AGTR1: variants seen among roughly 807,000 people sequenced by gnomAD.
AGTR1 encodes angiotensin II receptor type 1, also known as type-1 angiotensin II receptor.
A neutral mutation model predicts 19.4 loss-of-function variants in AGTR1; 16 were observed. That is an observed-to-expected ratio of 0.82 (90% CI 0.56 to 1.25). AGTR1 has a LOEUF of 1.25. Ranked by LOEUF, AGTR1 falls within the 50% of genes most tolerant of loss-of-function variation. The pLI, the probability that AGTR1 is intolerant of heterozygous loss-of-function variation, is 0.00. For synonymous variants in AGTR1, 153 were observed against 154.9 expected (o/e 0.99, Z 0.09); for missense variants, 373 against 431.9 (o/e 0.86, Z 1.21).
chr3:148,706,750 G>C (rs1321331188), intron 1 of AGTR1, among the ~76,000 whole-genome samples: 2 of 151,840 alleles, frequency 1.3e-5, no homozygotes, highest in African/African-American at 4.8e-5. Context: ...ATGAAAAGAA[G>C]TTCAACCTCA....
intron 2 of AGTR1, among the ~76,000 whole-genome samples, chr3:148,721,267 T>G (rs1407632163): frequency 1.3e-5 from 2 of 152,192 alleles, no homozygotes; most frequent in African/African-American, 4.8e-5. Flanking sequence ...TGCCTAATCA[T>G]GTAGACTATA....
rs369153815 is a variant in AGTR1 at position 148,735,820 on chromosome 3, T to C, written c.-47-5169T>C. ...ACAGTTCCTTTCTAAGTCTGACTTA[T>C]AAAATAGGAACAATAAAGACAACAG... On this transcript the variant is annotated intron_variant, in intron 2 of 2. Transcript: ENST00000349243. Among the ~76,000 whole-genome samples the C allele has an allele frequency of 5.3e-5, 8 of 152,296 alleles. No homozygotes were observed. The East Asian group carries it at 1.4e-3, about 26-fold the overall frequency.
At position 148,735,612 on chromosome 3, in the gene AGTR1, G is replaced by A. The variant is rs368291974; in HGVS notation, c.-47-5377G>A. Among the ~76,000 whole-genome samples, 34 of 152,258 alleles carry A rather than the reference G, an allele frequency of 2.2e-4. No individual in the cohort carries two copies. The East Asian group carries it at 6.0e-3, about 27-fold the overall frequency. On this transcript the variant is annotated intron_variant, in intron 2 of 2. Transcript: ENST00000349243. ...GAAAATAAAAGAAGAAGTAGACTTC[G>A]TAAAATAGGAACAGAGGGCTAAGAA... is the stretch of plus-strand genomic sequence containing the variant.
intron 2 of AGTR1, among the ~76,000 whole-genome samples, chr3:148,713,213 C>T (rs1200190782): frequency 6.6e-6 from 1 of 151,920 alleles, no homozygotes; most frequent in African/African-American, 2.4e-5. Flanking sequence ...GTTTTATTTT[C>T]TTAGGACAAT....
rs118068962 is a variant in AGTR1, at chr3:148,738,148, G to A, written c.-47-2841G>A. ...ACATGAGTTGTGTGCTGTCAAAGTC[G>A]AGTCAAGAGGAGAGAGAAGGAGAAG... On this transcript the variant is annotated intron_variant, in intron 2 of 2. Coordinates refer to ENST00000349243, the MANE Select transcript of AGTR1 (RefSeq NM_000685.5). Among the ~76,000 whole-genome samples, 9 of 152,190 alleles carry A rather than the reference G, an allele frequency of 5.9e-5. No homozygotes were observed. In the East Asian group the frequency reaches 1.4e-3, roughly 23 times the overall value.
intron 2 of AGTR1, among the ~76,000 whole-genome samples, chr3:148,714,158 A>G (rs1415365119): frequency 1.3e-5 from 2 of 152,182 alleles, no homozygotes; most frequent in African/African-American, 4.8e-5. Flanking sequence ...GGACACCTAC[A>G]TGCCAGACAC....
chr3:148,699,380 G>T (rs1712190255), intron 1 of AGTR1, among the ~76,000 whole-genome samples: 1 of 152,142 alleles, frequency 6.6e-6, no homozygotes, highest in Non-Finnish European at 1.5e-5. Context: ...CTCTAAGGAA[G>T]AAACTGCCAT....
intron 2 of AGTR1, among the ~76,000 whole-genome samples, chr3:148,725,637 C>T (rs1030800255): frequency 6.6e-6 from 1 of 152,192 alleles, no homozygotes; most frequent in Non-Finnish European, 1.5e-5. Flanking sequence ...CATCCGCCAC[C>T]ATGCCCAGCT....
At chr3:148,719,287 T>A (rs897674305) in intron 2 of AGTR1, among the ~76,000 whole-genome samples, 2 of 129,564 alleles carry the variant, frequency 1.5e-5, no homozygotes, top group Non-Finnish European at 3.0e-5. Flanking sequence ...TTCACATATT[T>A]CATAGGAAAA....
At chr3:148,719,978 C>T (rs1439055726) in intron 2 of AGTR1, among the ~76,000 whole-genome samples, 1 of 152,156 alleles carries the variant, frequency 6.6e-6, no homozygotes, top group Non-Finnish European at 1.5e-5. Context: ...TTCTCTTTCA[C>T]TTCACTATGT....
At chr3:148,703,912 T>G (rs1712503538) in intron 1 of AGTR1, among the ~76,000 whole-genome samples, 1 of 151,982 alleles carries the variant, frequency 6.6e-6, no homozygotes, top group African/African-American at 2.4e-5. Flanking sequence ...TAATGGGAAA[T>G]TCTAGAAATT....
intron 1 of AGTR1, among the ~76,000 whole-genome samples, chr3:148,704,818 G>T (rs1485784106): frequency 6.6e-6 from 1 of 152,184 alleles, no homozygotes; most frequent in African/African-American, 2.4e-5. Flanking sequence ...GGGGAAACCT[G>T]TGCCAACAGG....
chr3:148,718,370 A>T (rs1379516258), intron 2 of AGTR1, among the ~76,000 whole-genome samples: 1 of 152,202 alleles, frequency 6.6e-6, no homozygotes, highest in African/African-American at 2.4e-5. Context: ...TGCATATGCT[A>T]GGGAAAGGTT....
rs1006998941 is a variant in AGTR1 at position 148,718,869 on chromosome 3, A to G, written c.-48+10842A>G. Among the ~76,000 whole-genome samples, 3 of 152,214 alleles carry G rather than the reference A, an allele frequency of 2.0e-5. 1 individual carries two copies. Among genetic ancestry groups the G allele is most frequent in the African/African-American group, 4.8e-5 (2 of 41,474 alleles). Reference sequence around the variant, plus strand: ...TATTGAGATAAAAACTATTTTGCATAGGCATTTTGAAGAAAATAAATTTTG... The same window carrying G: ...TATTGAGATAAAAACTATTTTGCATGGGCATTTTGAAGAAAATAAATTTTG... On this transcript the variant is annotated intron_variant, in intron 2 of 2. Transcript: ENST00000349243.
At chr3:148,740,785 T>A (rs1290991104) in intron 2 of AGTR1, among the ~76,000 whole-genome samples, 1 of 152,238 alleles carries the variant, frequency 6.6e-6, no homozygotes, top group Non-Finnish European at 1.5e-5. Context: ...TACCATTTTC[T>A]ACAAAAGCAA....
At position 148,742,038 on chromosome 3, in the gene AGTR1, AGCAC is replaced by A; in HGVS notation, c.1006_1009del (p.Thr336PhefsTer9). On this transcript the variant is annotated frameshift_variant, in exon 3 of 3. Transcript: ENST00000349243. LOFTEE classifies it high-confidence loss of function. ...CCACTCAAACCTTTCAACAAAAATG[AGCAC>A]GCTTTCCTACCGCCCCTCAGATAAT... 6.2e-7 allele frequency: 1 copy of A among 1,614,064 alleles called. No homozygotes were observed. The highest frequency in any genetic ancestry group is 8.5e-7 in the Non-Finnish European group (1 of 1,180,012).
chr3:148,703,615 C>T (rs1358313310), intron 1 of AGTR1, among the ~76,000 whole-genome samples: 2 of 151,990 alleles, frequency 1.3e-5, no homozygotes, highest in African/African-American at 2.4e-5. Flanking sequence ...GATTGGGATA[C>T]CAAGTAATAA....
chr3:148,712,825 T>C (rs1713069409), intron 2 of AGTR1, among the ~76,000 whole-genome samples: 1 of 152,182 alleles, frequency 6.6e-6, no homozygotes, highest in African/African-American at 2.4e-5. Flanking sequence ...TAATGAATGC[T>C]AGCTAGTCTT....
intron 2 of AGTR1, among the ~76,000 whole-genome samples, chr3:148,733,808 C>T (rs912979544): frequency 6.6e-6 from 1 of 152,136 alleles, no homozygotes; most frequent in African/African-American, 2.4e-5. Flanking sequence ...TACTTACAGG[C>T]CTTCTTCCAA....
Sources: gnomAD v4.1 joint callset for allele counts (sites outside exome capture counted in the v4.1 genomes callset) on GRCh38, gnomAD v4.1.1 for gene constraint, MANE v1.5 for transcripts, NCBI Gene and HGNC (gene_info 2026-07-23, HGNC 2026-07-21) for gene names.